STK40: variants seen among roughly 807,000 people sequenced by gnomAD.
STK40 encodes serine/threonine kinase 40, also known as serine/threonine-protein kinase 40.
Under a neutral mutation model 47.9 loss-of-function variants are expected in STK40, and 13 were observed. The ratio of observed to expected loss-of-function variants is 0.27; its 90% CI spans 0.18 to 0.43. The LOEUF is 0.43. Among genes scored for constraint, STK40 ranks in the 20% least tolerant of loss-of-function variants. The probability of loss-of-function intolerance (pLI) is 1.00; values close to 1 mark genes in which losing one functional copy is unlikely to be tolerated. For missense variants in STK40, 460 were observed against 595.1 expected (o/e 0.77, Z 2.36); for synonymous variants, 225 against 243.2 (o/e 0.93, Z 0.69).
At chr1:36,373,953 G>C (rs1432968920) in intron 1 of STK40, among the ~76,000 whole-genome samples, 2 of 152,250 alleles carry the variant, frequency 1.3e-5, no homozygotes, top group African/African-American at 4.8e-5. Flanking sequence ...TGCAGCCAGA[G>C]AGGAAGTGAC....
intron 1 of STK40, among the ~76,000 whole-genome samples, chr1:36,370,874 A>G (rs1646939927): frequency 6.6e-6 from 1 of 150,762 alleles, no homozygotes; most frequent in Non-Finnish European, 1.5e-5. Flanking sequence ...ATACTCCCGT[A>G]CTACACTTTT....
chr1:36,382,738 T>C (rs1647051020), intron 1 of STK40, among the ~76,000 whole-genome samples: 1 of 152,238 alleles, frequency 6.6e-6, no homozygotes, highest in African/African-American at 2.4e-5. Context: ...AGTTCTTTCC[T>C]GTAGCCTGTA....
chr1:36,371,635 T>C (rs886245573), intron 1 of STK40, among the ~76,000 whole-genome samples: 4 of 143,072 alleles, frequency 2.8e-5, no homozygotes, highest in Admixed American at 2.2e-4. Flanking sequence ...ACAGATCATG[T>C]GATCCTGCCA....
intron 1 of STK40, among the ~76,000 whole-genome samples, chr1:36,381,499 G>A (rs912358292): frequency 6.6e-6 from 1 of 151,954 alleles, no homozygotes; most frequent in Non-Finnish European, 1.5e-5. Flanking sequence ...TTCTTTTTTT[G>A]AGACAGGGTC....
intron 1 of STK40, chr1:36,362,736 C>T (rs572362119): frequency 6.6e-6 from 1 of 152,338 alleles, no homozygotes; most frequent in Admixed American, 6.5e-5. Flanking sequence ...GATATAACTG[C>T]TGTTAACATT....
chr1:36,345,991 A>ATTT (rs143130232), intron 7 of STK40, among the ~76,000 whole-genome samples: 5 of 26,464 alleles, frequency 1.9e-4, no homozygotes, highest in Admixed American at 6.5e-4. Flanking sequence ...ATATATATAT[A>ATTT]TTTTTTTTTT....
rs946451796 is a variant in STK40 at position 36,355,451 on chromosome 1, A to G, written c.343-18T>C. On this transcript the variant is annotated intron_variant, in intron 4 of 10. Transcript: ENST00000373132. ...GTGCGGTCCTGGGAGGCAAGGGGGT[A>G]GCGCAGGGCTTGGCTGTGAACTTGG... 1.2e-6 allele frequency: 2 copies of G among 1,613,624 alleles called. No homozygotes were observed. Among genetic ancestry groups the G allele is most frequent in the Non-Finnish European group, 1.7e-6 (2 of 1,179,676 alleles).
rs774405030 is a variant in STK40, at chr1:36,341,801, G to A, written c.1262C>T (p.Thr421Ile). Reference protein sequence around the residue: ...RRLGHDAQPMTSLDTAILAQR... With the variant: ...RRLGHDAQPMISLDTAILAQR... ...CGCCAGGATGGCCGTGTCCAAGGAG[G>A]TCATGGGCTGTGCGTCGTGGCCCAG... Residue 421 changes from threonine to isoleucine, a missense_variant, in exon 11 of 11, where the codon ACC becomes ATC. Around this residue, in one of 3 missense-constraint regions of STK40, gnomAD observed 181 missense variants for 218.9 expected, o/e 0.83. Coordinates refer to ENST00000373132, the MANE Select transcript of STK40 (RefSeq NM_001282547.2). 4 of 1,612,936 alleles carry A rather than the reference G, an allele frequency of 2.5e-6. No homozygotes were observed. The African/African-American group carries it at 4.0e-5, about 16-fold the overall frequency.
intron 10 of STK40, chr1:36,342,464 ACAGCAGGG>A (rs1352904216): frequency 5.7e-6 from 1 of 174,788 alleles, no homozygotes; most frequent in Non-Finnish European, 1.2e-5. Flanking sequence ...ACCACAGGAG[ACAGCAGGG>A]CTTCCGGATG....
chr1:36,373,622 T>C (rs921938727), intron 1 of STK40, among the ~76,000 whole-genome samples: 4 of 152,122 alleles, frequency 2.6e-5, no homozygotes, highest in African/African-American at 7.2e-5. Flanking sequence ...GGGAGGCGGA[T>C]AGAGAGGAGG....
rs76291830 is a variant in STK40, at chr1:36,376,220, G to C, written c.-9+9503C>G. 7.1e-3 allele frequency among the ~76,000 whole-genome samples: 1,079 copies of C among 152,216 alleles called. 8 individuals are homozygous for C. Among genetic ancestry groups the C allele is most frequent in the African/African-American group, 0.024 (1,014 of 41,514 alleles). ...CTCTGAATCACCAAGAGCTGGACAC[G>C]GCAGATCACGAGGGCCAGCAGCCAC... On this transcript the variant is annotated intron_variant, in intron 1 of 10. Coordinates refer to ENST00000373132, the MANE Select transcript of STK40 (RefSeq NM_001282547.2).
intron 1 of STK40, among the ~76,000 whole-genome samples, chr1:36,373,055 G>A (rs1378792481): frequency 6.6e-6 from 1 of 152,130 alleles, no homozygotes; most frequent in Non-Finnish European, 1.5e-5. Flanking sequence ...ATGGATTTGG[G>A]GGTCATGGAG....
chr1:36,366,745 GT>G (rs1646905453), intron 1 of STK40, among the ~76,000 whole-genome samples: 1 of 152,094 alleles, frequency 6.6e-6, no homozygotes, highest in South Asian at 2.1e-4. Context: ...GGGGTGCATG[GT>G]CCACTACTCG....
rs148851878 is a variant in STK40, at chr1:36,341,863, G to C, written c.1200C>G (p.Pro400=). ...SSIHDARSWV[P]KRQFGSAPPV... ...GTGGTGCGCTGCCGAACTGCCGCTTGGGTACCCAGCTCCGGGCGTCATGGA... is the reference window on the plus strand; with the variant it reads ...GTGGTGCGCTGCCGAACTGCCGCTTCGGTACCCAGCTCCGGGCGTCATGGA... Residue 400 remains proline, a synonymous_variant, in exon 11 of 11, where the codon CCC becomes CCG. Coordinates refer to ENST00000373132, the MANE Select transcript of STK40 (RefSeq NM_001282547.2). The C allele has an allele frequency of 1.3e-3, 2,093 of 1,613,932 alleles. 30 individuals are homozygous for C. In the African/African-American group the frequency reaches 0.025, roughly 19 times the overall value.
At chr1:36,356,421 T>TTTC (rs1294841442) in intron 4 of STK40, among the ~76,000 whole-genome samples, 1 of 133,134 alleles carries the variant, frequency 7.5e-6, no homozygotes, top group African/African-American at 3.0e-5. Context: ...TCTTTTTCTT[T>TTTC]TTTTTTTTTT....
At chr1:36,358,495 GCA>G in intron 3 of STK40, 113 bp from the exon 4 acceptor site, 1 of 1,408,782 alleles carries the variant, frequency 7.1e-7, no homozygotes, top group Non-Finnish European at 9.6e-7. Context: ...TGTGCACAAT[GCA>G]CACACAAACA....
chr1:36,383,531 C>G (rs541980598), intron 1 of STK40, among the ~76,000 whole-genome samples: 10 of 152,366 alleles, frequency 6.6e-5, no homozygotes, highest in African/African-American at 2.4e-4. Flanking sequence ...TCTCCTCTCT[C>G]AGAAGCCTAG....
rs1435660302 is a variant in STK40 at position 36,350,314 on chromosome 1, G to A, written c.624-1499C>T. ...CGCTGCCCTGAATATGGGGCTGCTC[G>A]GGCCTCTTGTCCAGAAGGTTCCCAC... is the stretch of plus-strand genomic sequence containing the variant. On this transcript the variant is annotated intron_variant, in intron 6 of 10. Coordinates refer to ENST00000373132, the MANE Select transcript of STK40 (RefSeq NM_001282547.2). Among the ~76,000 whole-genome samples, 8 of 152,180 alleles carry A rather than the reference G, an allele frequency of 5.3e-5. No individual in the cohort carries two copies. The East Asian group carries it at 5.8e-4, about 11-fold the overall frequency.
At chr1:36,354,480 G>C in intron 5 of STK40, 64 bp from the exon 6 acceptor site, 1 of 1,541,372 alleles carries the variant, frequency 6.5e-7, no homozygotes, top group Non-Finnish European at 9.0e-7. Flanking sequence ...GGCCCACCCT[G>C]TAAGATGGGG....
Sources: allele counts gnomAD v4.1 joint callset (sites outside exome capture counted in the v4.1 genomes callset), GRCh38; gene constraint gnomAD v4.1.1; regional missense constraint gnomAD v4.1.1; transcripts MANE v1.5; gene names NCBI Gene and HGNC (gene_info 2026-07-23, HGNC 2026-07-21).